RNF180: variants seen among roughly 807,000 people sequenced by gnomAD.
RNF180 encodes E3 ubiquitin-protein ligase RNF180.
A neutral mutation model predicts 59.2 loss-of-function variants in RNF180; 38 were observed. The observed-to-expected ratio is 0.64, with a 90% CI of 0.50 to 0.84. The LOEUF (loss-of-function observed/expected upper bound fraction) is 0.84, where lower values mean the gene tolerates loss of function less well. RNF180 is among the 40% of genes least tolerant of loss of function. The probability of loss-of-function intolerance (pLI) is 0.00; values close to 1 mark genes in which losing one functional copy is unlikely to be tolerated. For missense variants in RNF180, 705 were observed against 700.9 expected (o/e 1.01, Z -0.07); for synonymous variants, 262 against 240.3 (o/e 1.09, Z -0.84).
chr5:64,330,295 A>G lies in RNF180; in HGVS notation c.1468A>G (p.Thr490Ala). 6.7e-7 allele frequency: 1 copy of G among 1,491,512 alleles called. No homozygotes were observed. The highest frequency in any genetic ancestry group is 1.7e-4 in the Middle Eastern group (1 of 5,720). The allele number at this position is 1,491,512 out of a possible 1,614,324, so 92.4% of individuals were successfully genotyped here. Residue 490 changes from threonine to alanine, a missense_variant, in exon 7 of 8, where the codon ACA (threonine) becomes GCA (alanine). Coordinates refer to ENST00000389100, the MANE Select transcript of RNF180 (RefSeq NM_001113561.2). The part of the protein sequence containing the change: ...VFFQTELNNA[T>A]KTFFTKEYLK... ...CTTTATTCTAGAATTGAACAATGCC[A>G]CAAAAACTTTCTTTACTAAAGAATA...
intron 5 of RNF180, among the ~76,000 whole-genome samples, chr5:64,281,132 G>A (rs959431717): frequency 4.6e-5 from 7 of 152,170 alleles, no homozygotes; most frequent in East Asian, 1.9e-4. Context: ...TAGAAATGCT[G>A]CTGATTTTTG....
At chr5:64,368,664 A>G (rs899556635) in intron 7 of RNF180, among the ~76,000 whole-genome samples, 1 of 151,990 alleles carries the variant, frequency 6.6e-6, no homozygotes, top group Non-Finnish European at 1.5e-5. Flanking sequence ...TGAACAGACA[A>G]TTCTCAAAAG....
At chr5:64,305,848 A>G (rs1468936282) in intron 5 of RNF180, among the ~76,000 whole-genome samples, 1 of 151,584 alleles carries the variant, frequency 6.6e-6, no homozygotes, top group Non-Finnish European at 1.5e-5. Flanking sequence ...ATGATGGAGC[A>G]TCCACTATAA....
At chr5:64,242,038 TG>T (rs934884826) in intron 5 of RNF180, among the ~76,000 whole-genome samples, 8 of 152,192 alleles carry the variant, frequency 5.3e-5, no homozygotes, top group Non-Finnish European at 1.5e-5. Flanking sequence ...CTGATTCCAC[TG>T]GCCTCAGGTT....
At chr5:64,335,837 T>C (rs1392840113) in intron 7 of RNF180, among the ~76,000 whole-genome samples, 3 of 152,198 alleles carry the variant, frequency 2.0e-5, no homozygotes, top group Non-Finnish European at 4.4e-5. Flanking sequence ...TCCTATTAAA[T>C]GTATAAATCA....
intron 5 of RNF180, among the ~76,000 whole-genome samples, chr5:64,246,292 C>T (rs13357667): frequency 0.054 from 8,140 of 151,812 alleles, 620 homozygotes; most frequent in East Asian, 0.37. Flanking sequence ...AGAAGAGACA[C>T]GAAAAACCCT....
intron 2 of RNF180, among the ~76,000 whole-genome samples, chr5:64,202,564 A>G (rs1000061898): frequency 6.6e-6 from 1 of 152,150 alleles, no homozygotes; most frequent in Non-Finnish European, 1.5e-5. Flanking sequence ...AATTGTTAGT[A>G]GTTTTTCAAA....
chr5:64,178,614 ATGCAT>A (rs1281254926), intron 1 of RNF180, among the ~76,000 whole-genome samples: 4 of 152,204 alleles, frequency 2.6e-5, no homozygotes, highest in African/African-American at 9.7e-5. Context: ...TGTATGATTG[ATGCAT>A]TGCATATGAA....
chr5:64,238,634 C>T (rs575291873), intron 5 of RNF180, among the ~76,000 whole-genome samples: 1 of 152,156 alleles, frequency 6.6e-6, no homozygotes, highest in South Asian at 2.1e-4. Flanking sequence ...ATTTGCATGT[C>T]TTCTTTGGAA....
At chr5:64,335,077 ATTGGGG>A (rs946397979) in intron 7 of RNF180, among the ~76,000 whole-genome samples, 1 of 151,630 alleles carries the variant, frequency 6.6e-6, no homozygotes, top group African/African-American at 2.4e-5. Context: ...ATGATATCTC[ATTGGGG>A]TTTTAATTTC....
intron 5 of RNF180, among the ~76,000 whole-genome samples, chr5:64,275,043 A>G (rs1278661252): frequency 1.3e-5 from 2 of 151,944 alleles, no homozygotes; most frequent in East Asian, 1.9e-4. Context: ...TGGAATGTGT[A>G]TAAATGCACA....
At chr5:64,225,458 G>A (rs1213591985) in intron 5 of RNF180, among the ~76,000 whole-genome samples, 14 of 148,250 alleles carry the variant, frequency 9.4e-5, no homozygotes, top group Non-Finnish European at 2.1e-4. Context: ...CATCGTCTGG[G>A]ATGTGAGGAG....
chr5:64,259,035 TTG>T (rs1201680010), intron 5 of RNF180, among the ~76,000 whole-genome samples: 2 of 150,572 alleles, frequency 1.3e-5, no homozygotes, highest in Non-Finnish European at 2.9e-5. Context: ...AGTATATTGT[TTG>T]TTTGTTTGTT....
In RNF180 at chr5:64,312,507, C is replaced by T. The variant is rs563602041; in HGVS notation, c.1228-12679C>T. Among the ~76,000 whole-genome samples the T allele has an allele frequency of 3.9e-5, 6 of 152,108 alleles. No homozygotes were observed. The South Asian group carries it at 6.2e-4, about 16-fold the overall frequency. ...GAAAATAAGAGAAAGCATCAAACCACAGGGAAGTGGAGGGGAGCATCTCTG... is the reference window on the plus strand; with the variant it reads ...GAAAATAAGAGAAAGCATCAAACCATAGGGAAGTGGAGGGGAGCATCTCTG... On this transcript the variant is annotated intron_variant, in intron 5 of 7. Coordinates refer to ENST00000389100, the MANE Select transcript of RNF180 (RefSeq NM_001113561.2).
intron 7 of RNF180, among the ~76,000 whole-genome samples, chr5:64,358,324 T>C (rs555184134): frequency 4.8e-4 from 73 of 151,832 alleles, no homozygotes; most frequent in Non-Finnish European, 8.1e-4. Flanking sequence ...ATCATTTTCA[T>C]TGGTCAAGTC....
chr5:64,333,793 G>A (rs1017266857), intron 7 of RNF180, among the ~76,000 whole-genome samples: 2 of 152,224 alleles, frequency 1.3e-5, no homozygotes, highest in South Asian at 2.1e-4. Context: ...TTAAGTGTGT[G>A]TTTATGAAGG....
At chr5:64,257,128 T>C (rs1230358627) in intron 5 of RNF180, among the ~76,000 whole-genome samples, 1 of 152,184 alleles carries the variant, frequency 6.6e-6, no homozygotes, top group Non-Finnish European at 1.5e-5. Context: ...TTTTTAGATA[T>C]ACAATCATGT....
chr5:64,342,013 A>G (rs1366197657), intron 7 of RNF180, among the ~76,000 whole-genome samples: 1 of 152,138 alleles, frequency 6.6e-6, no homozygotes, highest in African/African-American at 2.4e-5. Flanking sequence ...GATTAGAGGG[A>G]TGAATGTGAC....
chr5:64,180,292 G>A (rs1466468534), intron 1 of RNF180, among the ~76,000 whole-genome samples: 2 of 152,050 alleles, frequency 1.3e-5, no homozygotes, highest in African/African-American at 4.8e-5. Context: ...TTGAGCTCAA[G>A]GTTTGCAGCT....
Sources: gnomAD v4.1 joint callset for allele counts (sites outside exome capture counted in the v4.1 genomes callset) on GRCh38, gnomAD v4.1.1 for gene constraint, MANE v1.5 for transcripts, NCBI Gene and HGNC (gene_info 2026-07-23, HGNC 2026-07-21) for gene names.